The following CRHR1 variants were observed in gnomAD, a reference collection of about 807,000 sequenced individuals.
The protein encoded by CRHR1 is corticotropin releasing hormone receptor 1.
Under a neutral mutation model 56.0 loss-of-function variants are expected in CRHR1, and 28 were observed. The observed-to-expected ratio is 0.50, with a 90% CI of 0.37 to 0.69. CRHR1 has a LOEUF of 0.69. Ranked by LOEUF, CRHR1 falls within the 30% of genes least tolerant of loss-of-function variation. The pLI is 0.00. For missense variants in CRHR1, 376 were observed against 548.0 expected (o/e 0.69, Z 3.13); for synonymous variants, 195 against 216.5 (o/e 0.90, Z 0.87).
At chr17:45,807,130 C>CTGG (rs2061735425) in intron 2 of CRHR1, 33 bp downstream of exon 2, 1 of 1,591,986 alleles carries the variant, frequency 6.3e-7, no homozygotes, top group African/African-American at 1.3e-5. Context: ...TGCAAGATTC[C>CTGG]TGGTCACCAC....
chr17:45,807,155 C>G, intron 2 of CRHR1, 58 bp downstream of exon 2: 2 of 1,471,960 alleles, frequency 1.4e-6, no homozygotes, highest in Non-Finnish European at 1.9e-6. Context: ...CCCCCTACCC[C>G]AGGTATCCCA....
chr17:45,819,399 C>G (rs2061993890), intron 3 of CRHR1, among the ~76,000 whole-genome samples: 1 of 152,156 alleles, frequency 6.6e-6, no homozygotes, highest in Non-Finnish European at 1.5e-5. Context: ...GGGCCACGCT[C>G]TTAGCACTAC....
rs977712837 is a variant in CRHR1 at position 45,830,877 on chromosome 17, C to G, written c.710-3C>G. 6.2e-6 allele frequency: 10 copies of G among 1,613,694 alleles called. No homozygotes were observed. The highest frequency in any genetic ancestry group is 1.6e-4 in the Middle Eastern group (1 of 6,080). On this transcript the variant is annotated splice_polypyrimidine_tract_variant and splice_region_variant and intron_variant, in intron 7 of 12. Transcript: ENST00000314537. ...GCTCTGTGACAGCCCATCTCTCCCCCAGGTGTGCCCTTCCCCATCATTGTG... is the reference window on the plus strand; with the variant it reads ...GCTCTGTGACAGCCCATCTCTCCCCGAGGTGTGCCCTTCCCCATCATTGTG...
At chr17:45,815,612 T>G (rs1044309347) in intron 2 of CRHR1, among the ~76,000 whole-genome samples, 1 of 152,236 alleles carries the variant, frequency 6.6e-6, no homozygotes, top group African/African-American at 2.4e-5. Flanking sequence ...CTCTGTGAAC[T>G]GTTGAAGTTT....
intron 4 of CRHR1, among the ~76,000 whole-genome samples, chr17:45,822,404 G>A (rs1018247362): frequency 2.6e-5 from 4 of 152,190 alleles, no homozygotes; most frequent in South Asian, 2.1e-4. Flanking sequence ...CCCACCCGAC[G>A]CTTTCTCCCT....
chr17:45,816,538 G>A lies in CRHR1; in HGVS notation c.197G>A (p.Arg66Gln), dbSNP rs1002654749. 3 of 1,614,126 alleles carry A rather than the reference G, an allele frequency of 1.9e-6. No homozygotes were observed. The highest frequency in any genetic ancestry group is 2.2e-5 in the East Asian group (1 of 44,880). Residue 66 changes from arginine to glutamine, a missense_variant, in exon 3 of 13, where the codon CGG (arginine) becomes CAG (glutamine). Physicochemically the swap from Arg to Gln is conservative, Grantham distance 43 (BLOSUM62 1). This residue lies in a region of CRHR1 where 369 missense variants were observed against 519.5 expected (regional missense o/e 0.71). Transcript: ENST00000314537. Reference sequence around the variant, plus strand: ...AGCCCTGCGGGGCAGCTAGTGGTTCGGCCCTGCCCTGCCTTTTTCTATGGT... The same window carrying A: ...AGCCCTGCGGGGCAGCTAGTGGTTCAGCCCTGCCCTGCCTTTTTCTATGGT... Reference protein sequence around the residue: ...PRSPAGQLVVRPCPAFFYGVR... With the variant: ...PRSPAGQLVVQPCPAFFYGVR...
intron 1 of CRHR1, 136 bp from the exon 2 acceptor site, chr17:45,806,874 C>T (rs1034624840): frequency 7.3e-5 from 49 of 674,514 alleles, no homozygotes; most frequent in African/African-American, 5.0e-4. Context: ...GTCTGGGAAG[C>T]GACTGGATGT....
intron 1 of CRHR1, among the ~76,000 whole-genome samples, chr17:45,796,506 G>A (rs1331860305): frequency 2.6e-5 from 4 of 152,084 alleles, no homozygotes; most frequent in Non-Finnish European, 5.9e-5. Flanking sequence ...TGAGGAAGAG[G>A]AGGGAAGGGA....
intron 11 of CRHR1, 37 bp downstream of exon 11, chr17:45,833,886 G>T: frequency 6.2e-7 from 1 of 1,612,488 alleles, no homozygotes; most frequent in East Asian, 2.2e-5. Flanking sequence ...ACCTCCTTGG[G>T]TGGGGATTCT....
intron 1 of CRHR1, among the ~76,000 whole-genome samples, chr17:45,793,641 T>C (rs2146267603): frequency 6.6e-6 from 1 of 152,160 alleles, no homozygotes; most frequent in South Asian, 2.1e-4. Context: ...TCTCTCCTGA[T>C]GGCTGGGGCC....
chr17:45,816,510 C>G lies in CRHR1; in HGVS notation c.169C>G (p.Arg57Gly), dbSNP rs778136105. The change falls in exon 3 of 13, where the codon CGC becomes GGC. Residue 57 changes from arginine to glycine, a missense_variant. By Grantham distance (125) the Arg-to-Gly change is moderately radical. Coordinates refer to ENST00000314537, the MANE Select transcript of CRHR1 (RefSeq NM_004382.5). ...GGACCTCATTGGCACCTGCTGGCCC[C>G]GCAGCCCTGCGGGGCAGCTAGTGGT... ...SVDLIGTCWP[R>G]SPAGQLVVRP... 1.2e-6 allele frequency: 2 copies of G among 1,613,998 alleles called. No homozygotes were observed. The highest frequency in any genetic ancestry group is 2.7e-5 in the African/African-American group (2 of 74,910).
Position 45,834,839 on chromosome 17 carries a change from C to A in CRHR1, c.*75C>A, listed in dbSNP as rs1390681729. 2.5e-6 allele frequency: 4 copies of A among 1,594,482 alleles called. No individual in the cohort carries two copies. In the African/African-American group the frequency reaches 4.0e-5, roughly 16 times the overall value. ...CGGCCAGGCTCCCTGACCACCCTGCCTGTGGAGGTGACCTGTTAGGTCTCA... is the reference window on the plus strand; with the variant it reads ...CGGCCAGGCTCCCTGACCACCCTGCATGTGGAGGTGACCTGTTAGGTCTCA... On this transcript the variant is annotated 3_prime_UTR_variant, in exon 13 of 13. Coordinates refer to ENST00000314537, the MANE Select transcript of CRHR1 (RefSeq NM_004382.5).
chr17:45,786,179 C>T (rs1322749007), intron 1 of CRHR1, among the ~76,000 whole-genome samples: 2 of 147,690 alleles, frequency 1.4e-5, no homozygotes, highest in Admixed American at 6.8e-5. Context: ...CTTTTTCTGG[C>T]CTTTCATAGA....
intron 1 of CRHR1, among the ~76,000 whole-genome samples, chr17:45,785,283 G>A (rs1226716477): frequency 6.6e-6 from 1 of 152,250 alleles, no homozygotes; most frequent in Non-Finnish European, 1.5e-5. Context: ...CAGACCGCAC[G>A]TCCAGCGTCT....
At chr17:45,791,885 CGCTGGT>C in intron 1 of CRHR1, among the ~76,000 whole-genome samples, 1 of 151,690 alleles carries the variant, frequency 6.6e-6, no homozygotes, top group African/African-American at 2.4e-5. Context: ...CACACACACA[CGCTGGT>C]ACCCTGGCGA....
intron 1 of CRHR1, among the ~76,000 whole-genome samples, chr17:45,792,680 C>G (rs1195031744): frequency 6.6e-6 from 1 of 152,228 alleles, no homozygotes; most frequent in Non-Finnish European, 1.5e-5. Context: ...CTGTCTCTCA[C>G]TGGTTGTTCC....
intron 10 of CRHR1, 21 bp from the exon 11 acceptor site, chr17:45,833,693 T>TCG: frequency 1.3e-6 from 2 of 1,571,604 alleles, no homozygotes; most frequent in Non-Finnish European, 1.7e-6. Flanking sequence ...ACTCCGAGCC[T>TCG]CCCCACCCGC....
At chr17:45,798,971 T>C (rs75122968) in intron 1 of CRHR1, among the ~76,000 whole-genome samples, 128 of 152,368 alleles carry the variant, frequency 8.4e-4, no homozygotes, top group Admixed American at 1.4e-3. Flanking sequence ...CACTGGCTCT[T>C]TGCCTTGAGA....
chr17:45,801,123 G>A (rs1161156373), intron 1 of CRHR1, among the ~76,000 whole-genome samples: 1 of 152,184 alleles, frequency 6.6e-6, no homozygotes, highest in Non-Finnish European at 1.5e-5. Flanking sequence ...GGGGGTGGGG[G>A]TGTGGGTAGC....
Sources: allele counts gnomAD v4.1 joint callset (sites outside exome capture counted in the v4.1 genomes callset), GRCh38; gene constraint gnomAD v4.1.1; regional missense constraint gnomAD v4.1.1; transcripts MANE v1.5; gene names NCBI Gene and HGNC (gene_info 2026-07-23, HGNC 2026-07-21).